Variants in MAK observed in about 807,000 individuals in gnomAD.
MAK encodes serine/threonine-protein kinase MAK.
MAK carries 65 observed loss-of-function variants against 82.6 expected under a neutral mutation model. The observed-to-expected ratio is 0.79, with a 90% confidence interval of 0.64 to 0.97. MAK has a LOEUF of 0.97. MAK is among the 50% of genes least tolerant of loss of function. The pLI is 0.00. For missense variants in MAK, 703 were observed against 780.2 expected (o/e 0.90, Z 1.18); for synonymous variants, 250 against 274.2 (o/e 0.91, Z 0.87).
chr6:10,787,287 A>G (rs966621969), intron 10 of MAK, among the ~76,000 whole-genome samples: 2 of 152,296 alleles, frequency 1.3e-5, no homozygotes, highest in South Asian at 2.1e-4. Flanking sequence ...CACAAATCCA[A>G]CAATTCACCA....
At chr6:10,787,566 G>A (rs1774683356) in intron 10 of MAK, among the ~76,000 whole-genome samples, 1 of 152,134 alleles carries the variant, frequency 6.6e-6, no homozygotes, top group Non-Finnish European at 1.5e-5. Context: ...AAATAAAAAT[G>A]TAGAAGAAAT....
chr6:10,786,958 TATTCACCACTCC>T, intron 10 of MAK, among the ~76,000 whole-genome samples: 3 of 123,638 alleles, frequency 2.4e-5, no homozygotes, highest in African/African-American at 1.0e-4. Flanking sequence ...GTTCACCTCC[TATTCACCACTCC>T]GCTAATGCAC....
chr6:10,799,760 G>A (rs564916992), intron 8 of MAK, among the ~76,000 whole-genome samples: 13 of 152,240 alleles, frequency 8.5e-5, no homozygotes, highest in South Asian at 2.1e-4. Flanking sequence ...GTAAAACTCC[G>A]TCTCTGGCCA....
intron 9 of MAK, 90 bp downstream of exon 9, chr6:10,795,908 C>T (rs1189537269): frequency 2.4e-5 from 34 of 1,412,260 alleles, no homozygotes; most frequent in Non-Finnish European, 3.2e-5. Flanking sequence ...TCTTTTATAT[C>T]TTTTCCAACA....
In MAK at chr6:10,817,836, G is replaced by T. The variant is rs781150953; in HGVS notation, c.278+14C>A. 1.4e-6 allele frequency: 2 copies of T among 1,478,556 alleles called. No individual in the cohort carries two copies. Among genetic ancestry groups the T allele is most frequent in the Non-Finnish European group, 1.9e-6 (2 of 1,076,318 alleles). 91.6% of individuals were successfully genotyped at this position (1,478,556 alleles called of 1,614,324 possible). A position where few individuals can be genotyped will look rare whatever the true frequency, so the allele number is the denominator to read the frequency against. On this transcript the variant is annotated intron_variant, in intron 4 of 14. Transcript: ENST00000354489. ...TGGAGAGAATAACAGGGAAAAACAT[G>T]AATAAAAACATACCTGTCTTTCATT...
intron 8 of MAK, chr6:10,797,927 G>A: frequency 8.0e-7 from 1 of 1,248,210 alleles, no homozygotes; most frequent in Admixed American, 3.0e-5. Flanking sequence ...CATTCTCAGT[G>A]GAATACACAA....
At chr6:10,789,844 C>A (rs922909522) in intron 10 of MAK, among the ~76,000 whole-genome samples, 4 of 152,040 alleles carry the variant, frequency 2.6e-5, no homozygotes, top group African/African-American at 7.2e-5. Flanking sequence ...TTAGTAAAGA[C>A]GAGGTTTCAC....
At chr6:10,823,446 G>A (rs1338689518) in intron 2 of MAK, among the ~76,000 whole-genome samples, 1 of 152,080 alleles carries the variant, frequency 6.6e-6, no homozygotes, top group Non-Finnish European at 1.5e-5. Flanking sequence ...TCCCTTTAAG[G>A]GGACATGTTT....
intron 6 of MAK, among the ~76,000 whole-genome samples, chr6:10,804,869 T>A (rs1019841839): frequency 6.6e-6 from 1 of 152,122 alleles, no homozygotes; most frequent in Non-Finnish European, 1.5e-5. Context: ...TTTTGCTCAA[T>A]GTTGTTTCAT....
chr6:10,784,693 A>G lies in MAK; in HGVS notation c.1317-121T>C, dbSNP rs545107605. The G allele has an allele frequency of 5.3e-5, 44 of 826,854 alleles. No homozygotes were observed. In the East Asian group the frequency reaches 9.2e-4, roughly 17 times the overall value. 51.2% of individuals were successfully genotyped at this position (826,854 alleles called of 1,614,324 possible). ...AGCCAGTCAATCTGACCTCACTTAA[A>G]TGGTTTCCATCAGTCTTTTGGCTAA... On this transcript the variant is annotated intron_variant, in intron 10 of 14. Transcript: ENST00000354489.
At chr6:10,786,094 A>G (rs1330449690) in intron 10 of MAK, among the ~76,000 whole-genome samples, 1 of 152,062 alleles carries the variant, frequency 6.6e-6, no homozygotes. Context: ...AAAATACAAA[A>G]ATTAGCTGGG....
Position 10,775,422 on chromosome 6 carries a change from T to A in MAK, c.1503A>T (p.Gly501=). 1 of 1,613,896 alleles carries A rather than the reference T, an allele frequency of 6.2e-7. No individual in the cohort carries two copies. Among genetic ancestry groups the A allele is most frequent in the Non-Finnish European group, 8.5e-7 (1 of 1,179,826 alleles). Residue 501 remains glycine, a synonymous_variant, in exon 12 of 15, where the codon GGA becomes GGT. Coordinates refer to ENST00000354489, the MANE Select transcript of MAK (RefSeq NM_001242957.3). ...TCCAAGTGTGGGGGTTTATTTCCTT[T>A]CCACTGGCTATCAAGGACACCTTCT... The part of the protein sequence containing the change: ...NPKKVSLIAS[G]KEINPHTWSN...
intron 2 of MAK, among the ~76,000 whole-genome samples, chr6:10,822,009 T>C (rs1432950931): frequency 2.0e-5 from 3 of 150,928 alleles, no homozygotes; most frequent in Non-Finnish European, 4.4e-5. Flanking sequence ...TAGCCAGGCG[T>C]GGTGGCGGGC....
chr6:10,801,754 G>A (rs1016485191), intron 8 of MAK, 138 bp downstream of exon 8: 9 of 726,254 alleles, frequency 1.2e-5, no homozygotes, highest in African/African-American at 5.3e-5. Context: ...TATTACATAC[G>A]CTGGATGCCT....
chr6:10,813,817 G>T (rs2127572206), intron 4 of MAK, 94 bp from the exon 5 acceptor site: 1 of 773,496 alleles, frequency 1.3e-6, no homozygotes, highest in African/African-American at 1.7e-5. Flanking sequence ...AGCCTCTACT[G>T]GCCTCACGAT....
intron 6 of MAK, among the ~76,000 whole-genome samples, chr6:10,806,255 A>T (rs965968389): frequency 6.7e-6 from 1 of 148,992 alleles, no homozygotes; most frequent in Non-Finnish European, 1.5e-5. Context: ...GGTCACTGCA[A>T]CCTCCACCTC....
At chr6:10,818,439 C>G (rs944086138) in intron 3 of MAK, among the ~76,000 whole-genome samples, 5 of 152,042 alleles carry the variant, frequency 3.3e-5, no homozygotes, top group African/African-American at 1.2e-4. Flanking sequence ...CATGGTGAAA[C>G]CTTGTCTCTA....
intron 2 of MAK, among the ~76,000 whole-genome samples, chr6:10,830,255 T>A (rs1778704190): frequency 1.3e-5 from 2 of 150,488 alleles, no homozygotes; most frequent in African/African-American, 4.9e-5. Context: ...AACTTCCACC[T>A]CCTGGGTTCA....
At chr6:10,773,984 C>T (rs1366760463) in intron 12 of MAK, among the ~76,000 whole-genome samples, 2 of 152,042 alleles carry the variant, frequency 1.3e-5, no homozygotes, top group African/African-American at 2.4e-5. Context: ...CAGGAGTGGG[C>T]CACTGCACCT....
Sources: gnomAD v4.1 joint callset for allele counts (sites outside exome capture counted in the v4.1 genomes callset) on GRCh38, gnomAD v4.1.1 for gene constraint, MANE v1.5 for transcripts, NCBI Gene and HGNC (gene_info 2026-07-23, HGNC 2026-07-21) for gene names.